The following SPATA6 variants were observed in gnomAD, a reference collection of about 807,000 sequenced individuals.
The protein encoded by SPATA6 is spermatogenesis associated 6.
Under a neutral mutation model 65.3 loss-of-function variants are expected in SPATA6, and 56 were observed. That is an observed-to-expected ratio of 0.86 (90% CI 0.69 to 1.07). The LOEUF (loss-of-function observed/expected upper bound fraction) is 1.07. Ranked by LOEUF, SPATA6 falls within the 50% of genes least tolerant of loss-of-function variation. The pLI, the probability that SPATA6 is intolerant of heterozygous loss-of-function variation, is 0.00. For missense variants in SPATA6, 590 were observed against 594.8 expected, an observed-to-expected ratio of 0.99 and a Z score of 0.08; for synonymous variants, 199 against 213.2, an observed-to-expected ratio of 0.93 and a Z score of 0.58.
chr1:48,365,343 T>C (rs1421388771), intron 9 of SPATA6, among the ~76,000 whole-genome samples: 1 of 152,168 alleles, frequency 6.6e-6, no homozygotes, highest in Non-Finnish European at 1.5e-5. Flanking sequence ...AAGAAAGTCA[T>C]TAGCAGCTTG....
intron 9 of SPATA6, among the ~76,000 whole-genome samples, chr1:48,369,381 G>A (rs1647154253): frequency 1.3e-5 from 2 of 152,212 alleles, no homozygotes; most frequent in Non-Finnish European, 2.9e-5. Flanking sequence ...CCCCAGAGGT[G>A]GAGCCTACAG....
At chr1:48,386,637 G>A (rs1175628028) in intron 8 of SPATA6, among the ~76,000 whole-genome samples, 1 of 152,150 alleles carries the variant, frequency 6.6e-6, no homozygotes, top group Non-Finnish European at 1.5e-5. Context: ...ACACAGAAAG[G>A]GTAAGTGAGA....
At position 48,451,563 on chromosome 1, in the gene SPATA6, G is replaced by A; in HGVS notation, c.227C>T (p.Thr76Ile). 6.2e-7 allele frequency: 1 copy of A among 1,612,088 alleles called. No individual in the cohort carries two copies. Among genetic ancestry groups the A allele is most frequent in the Non-Finnish European group, 8.5e-7 (1 of 1,179,130 alleles). Residue 76 changes from threonine to isoleucine, a missense_variant, in exon 3 of 13, where the codon ACA becomes ATA. By Grantham distance (89) the Thr-to-Ile change is moderately conservative. Transcript: ENST00000371847. Reference sequence around the variant, plus strand: ...GTTAAAAAACTTACATTCAAGCTGTGTAACCACATCTCCAGGATCTACTGC... The same window carrying A: ...GTTAAAAAACTTACATTCAAGCTGTATAACCACATCTCCAGGATCTACTGC... Reference protein sequence around the residue: ...PDAVDPGDVVTQLEYDTAVFE... With the variant: ...PDAVDPGDVVIQLEYDTAVFE...
At chr1:48,461,907 C>T (rs535483256) in intron 1 of SPATA6, among the ~76,000 whole-genome samples, 170 of 152,218 alleles carry the variant, frequency 1.1e-3, no homozygotes, top group Non-Finnish European at 2.0e-3. Flanking sequence ...ATGTTTATTG[C>T]GGCACTATTC....
At chr1:48,292,926 T>C (rs559181888), downstream of SPATA6, among the ~76,000 whole-genome samples, 12 of 152,244 alleles carry the variant, frequency 7.9e-5, no homozygotes, top group South Asian at 2.1e-3. Flanking sequence ...GCAGCTCCAC[T>C]GGAGGTAAAA....
At chr1:48,358,090 C>G (rs1191087369) in intron 10 of SPATA6, among the ~76,000 whole-genome samples, 1 of 152,108 alleles carries the variant, frequency 6.6e-6, no homozygotes, top group African/African-American at 2.4e-5. Flanking sequence ...GCTATCTACT[C>G]TAAGCCCTTC....
the SPATA6 span, among the ~76,000 whole-genome samples, chr1:48,285,622 G>T: frequency 1.8e-3 from 277 of 152,172 alleles, 1 homozygote; most frequent in African/African-American, 6.1e-3. Flanking sequence ...CATAGTAAAA[G>T]AATAGTATCT....
rs1418815300 is a variant in SPATA6 at position 48,297,048 on chromosome 1, C to A, written c.*1665G>T. On this transcript the variant is annotated 3_prime_UTR_variant, in exon 13 of 13. Transcript: ENST00000371847. Reference sequence around the variant, plus strand: ...ATATATCCTAATTTGCTGTAGACAGCCCCAGTTTACAGGCGCTATTCCAGC... The same window carrying A: ...ATATATCCTAATTTGCTGTAGACAGACCCAGTTTACAGGCGCTATTCCAGC... 6.6e-6 allele frequency: 1 copy of A among 151,696 alleles called. No homozygotes were observed. Among genetic ancestry groups the A allele is most frequent in the Non-Finnish European group, 1.5e-5 (1 of 67,964 alleles). 9.4% of individuals were successfully genotyped at this position (151,696 alleles called of 1,614,324 possible).
intron 9 of SPATA6, among the ~76,000 whole-genome samples, chr1:48,371,695 G>C (rs535783125): frequency 5.0e-4 from 76 of 152,184 alleles, no homozygotes; most frequent in Non-Finnish European, 1.0e-3. Flanking sequence ...ACTGTAACAA[G>C]AGTGTTTGCA....
At chr1:48,277,341 G>A in the SPATA6 span, among the ~76,000 whole-genome samples, 11 of 152,172 alleles carry the variant, frequency 7.2e-5, no homozygotes, top group African/African-American at 2.4e-4. Flanking sequence ...GACAGTGGGT[G>A]CAGCGCACCA....
At chr1:48,368,085 G>A (rs1416937474) in intron 9 of SPATA6, among the ~76,000 whole-genome samples, 4 of 152,130 alleles carry the variant, frequency 2.6e-5, no homozygotes, top group South Asian at 4.1e-4. Flanking sequence ...GAAATTCTGG[G>A]TTGAAAATTC....
chr1:48,413,275 T>A, intron 3 of SPATA6, 124 bp from the exon 4 acceptor site: 1 of 304,794 alleles, frequency 3.3e-6, no homozygotes, highest in Non-Finnish European at 6.1e-6. Flanking sequence ...TGTTTATATA[T>A]TAGTATATAA....
chr1:48,471,639 G>A (rs1380582828), intron 1 of SPATA6, among the ~76,000 whole-genome samples: 2 of 152,148 alleles, frequency 1.3e-5, no homozygotes, highest in African/African-American at 2.4e-5. Flanking sequence ...CCCCCGCGCC[G>A]CGCACATACA....
intron 9 of SPATA6, among the ~76,000 whole-genome samples, chr1:48,382,056 AG>A (rs1648696360): frequency 1.2e-5 from 1 of 83,164 alleles, no homozygotes; most frequent in Non-Finnish European, 2.4e-5. Flanking sequence ...CCAAGGCAGA[AG>A]AATTTTTCTT....
At chr1:48,452,139 G>GA (rs1397558201) in intron 2 of SPATA6, among the ~76,000 whole-genome samples, 1 of 152,070 alleles carries the variant, frequency 6.6e-6, no homozygotes, top group Admixed American at 6.5e-5. Context: ...TCCCAGAGGG[G>GA]AGGATTTTCC....
intron 5 of SPATA6, among the ~76,000 whole-genome samples, 182 bp downstream of exon 5, chr1:48,411,282 T>A (rs1036958911): frequency 6.6e-6 from 1 of 152,240 alleles, no homozygotes; most frequent in African/African-American, 2.4e-5. Context: ...TAAATAAATA[T>A]CTTTATATGT....
intron 4 of SPATA6, 114 bp from the exon 5 acceptor site, chr1:48,411,702 G>T (rs1009874303): frequency 2.2e-6 from 2 of 904,508 alleles, no homozygotes; most frequent in Non-Finnish European, 2.9e-6. Context: ...CCTGTTTTGG[G>T]TCATGTTTAT....
At chr1:48,273,861 A>G in the SPATA6 span, among the ~76,000 whole-genome samples, 1 of 152,118 alleles carries the variant, frequency 6.6e-6, no homozygotes, top group African/African-American at 2.4e-5. Flanking sequence ...TGTGCCCTGT[A>G]ATGGGATTGC....
At chr1:48,442,421 A>G (rs1480793449) in intron 3 of SPATA6, among the ~76,000 whole-genome samples, 7 of 152,152 alleles carry the variant, frequency 4.6e-5, no homozygotes, top group Admixed American at 4.6e-4. Context: ...AAAAACCCAA[A>G]GAGGTGGCAG....
Sources: allele counts gnomAD v4.1 joint callset (sites outside exome capture counted in the v4.1 genomes callset), GRCh38; gene constraint gnomAD v4.1.1; transcripts MANE v1.5; gene names NCBI Gene and HGNC (gene_info 2026-07-23, HGNC 2026-07-21).